Variants in LCLAT1 observed in about 807,000 individuals in gnomAD.
The protein encoded by LCLAT1 is 1-AGP acyltransferase 8.
LCLAT1 carries 11 observed loss-of-function variants against 30.7 expected under a neutral mutation model. The observed-to-expected ratio is 0.36, with a 90% confidence interval of 0.23 to 0.59. The LOEUF (loss-of-function observed/expected upper bound fraction) is 0.59. LCLAT1 is among the 20% of genes least tolerant of loss of function. LCLAT1 has a pLI of 0.77. For missense variants in LCLAT1, 402 were observed against 458.6 expected (o/e 0.88, Z 1.13); for synonymous variants, 155 against 151.3 (o/e 1.02, Z -0.18).
At chr2:30,635,196 A>G (rs1426716593) in intron 5 of LCLAT1, among the ~76,000 whole-genome samples, 1 of 151,932 alleles carries the variant, frequency 6.6e-6, no homozygotes, top group Non-Finnish European at 1.5e-5. Flanking sequence ...GTTCAAGACC[A>G]GTCTGAGTGA....
At chr2:30,579,875 C>T (rs113066816) in intron 5 of LCLAT1, among the ~76,000 whole-genome samples, 3,924 of 152,158 alleles carry the variant, frequency 0.026, 161 homozygotes, top group African/African-American at 0.087. Flanking sequence ...TTATTATCTT[C>T]CTAAGCAGTT....
At chr2:30,608,156 T>C (rs999781880) in intron 5 of LCLAT1, among the ~76,000 whole-genome samples, 5 of 151,622 alleles carry the variant, frequency 3.3e-5, no homozygotes, top group African/African-American at 1.2e-4. Context: ...CCTTGTCTCT[T>C]CTAAAAATAC....
intron 3 of LCLAT1, among the ~76,000 whole-genome samples, chr2:30,541,625 C>G (rs539271478): frequency 6.6e-6 from 1 of 152,152 alleles, no homozygotes; most frequent in Non-Finnish European, 1.5e-5. Context: ...AAGTACCATG[C>G]TGTTTTATTT....
intron 1 of LCLAT1, among the ~76,000 whole-genome samples, chr2:30,499,219 G>A (rs765835494): frequency 3.9e-5 from 6 of 152,050 alleles, no homozygotes; most frequent in African/African-American, 9.7e-5. Context: ...CGCTCTTATC[G>A]CCCAGGCTGG....
chr2:30,526,671 G>A (rs17009627), intron 2 of LCLAT1, among the ~76,000 whole-genome samples: 9,479 of 152,152 alleles, frequency 0.062, 512 homozygotes, highest in East Asian at 0.21. Flanking sequence ...ATCTCTTAAT[G>A]TTCATCCAGC....
chr2:30,568,464 A>G (rs960841667), intron 5 of LCLAT1, among the ~76,000 whole-genome samples: 4 of 148,560 alleles, frequency 2.7e-5, no homozygotes, highest in Admixed American at 1.3e-4. Context: ...CTATAATTCC[A>G]TTTTAGGATA....
intron 1 of LCLAT1, among the ~76,000 whole-genome samples, chr2:30,449,474 A>G (rs1431894220): frequency 6.7e-6 from 1 of 148,454 alleles, no homozygotes. Context: ...TTAAAAAGTT[A>G]TTTTGAAACA....
chr2:30,531,298 T>C (rs933027756), intron 2 of LCLAT1, among the ~76,000 whole-genome samples: 1 of 152,080 alleles, frequency 6.6e-6, no homozygotes, highest in East Asian at 1.9e-4. Flanking sequence ...CATTTTTTGC[T>C]GTGGATCCAC....
At chr2:30,489,876 C>G (rs1417903209) in intron 1 of LCLAT1, among the ~76,000 whole-genome samples, 2 of 152,212 alleles carry the variant, frequency 1.3e-5, no homozygotes, top group Non-Finnish European at 1.5e-5. Context: ...TGGTTACGCT[C>G]TTAAACTTCA....
At chr2:30,461,449 C>T (rs528618540) in intron 1 of LCLAT1, among the ~76,000 whole-genome samples, 74 of 151,958 alleles carry the variant, frequency 4.9e-4, no homozygotes, top group Admixed American at 3.0e-3. Context: ...TTTTTTGAAA[C>T]GGGGTCTCAC....
chr2:30,573,677 G>A (rs910052014), intron 5 of LCLAT1, among the ~76,000 whole-genome samples: 3 of 152,100 alleles, frequency 2.0e-5, no homozygotes, highest in African/African-American at 7.2e-5. Flanking sequence ...TCTTTGGCTT[G>A]GTTGGGTACC....
At chr2:30,590,307 C>G (rs1343075702) in intron 5 of LCLAT1, among the ~76,000 whole-genome samples, 3 of 139,524 alleles carry the variant, frequency 2.2e-5, no homozygotes, top group Non-Finnish European at 3.1e-5. Flanking sequence ...AATACTGTAA[C>G]TAGGGCTTTT....
At chr2:30,609,209 C>G (rs1210339676) in intron 5 of LCLAT1, among the ~76,000 whole-genome samples, 3 of 151,932 alleles carry the variant, frequency 2.0e-5, no homozygotes, top group African/African-American at 7.3e-5. Context: ...CAGGTATGTT[C>G]TATTTTATTA....
intron 1 of LCLAT1, among the ~76,000 whole-genome samples, chr2:30,509,084 T>TATAGGA: frequency 6.6e-6 from 1 of 152,342 alleles, no homozygotes; most frequent in East Asian, 1.9e-4. Flanking sequence ...ATTGTTGGTA[T>TATAGGA]ATAGGAATAT....
chr2:30,462,007 C>T (rs1168324370), intron 1 of LCLAT1, among the ~76,000 whole-genome samples: 3 of 151,844 alleles, frequency 2.0e-5, no homozygotes, highest in Admixed American at 6.6e-5. Flanking sequence ...CTCCTGACCT[C>T]GTGATCCGCC....
At chr2:30,575,426 C>T (rs1381770993) in intron 5 of LCLAT1, among the ~76,000 whole-genome samples, 2 of 152,126 alleles carry the variant, frequency 1.3e-5, no homozygotes, top group African/African-American at 2.4e-5. Context: ...ATTTTAGCAT[C>T]TCTCGCATAC....
intron 5 of LCLAT1, chr2:30,607,299 G>T (rs1667495885): frequency 6.6e-6 from 1 of 152,122 alleles, no homozygotes; most frequent in African/African-American, 2.4e-5. Flanking sequence ...GCTTCCCAAA[G>T]TGCTGGGATT....
intron 4 of LCLAT1, among the ~76,000 whole-genome samples, chr2:30,563,470 G>C (rs1420184983): frequency 6.6e-6 from 1 of 152,186 alleles, no homozygotes. Context: ...GGACTCAAAA[G>C]ACTAAAATGT....
chr2:30,477,074 C>T (rs1474982728), intron 1 of LCLAT1, among the ~76,000 whole-genome samples: 2 of 152,130 alleles, frequency 1.3e-5, no homozygotes, highest in East Asian at 1.9e-4. Context: ...TTTAAAGCAT[C>T]CATTCTTTGA....
Sources: gnomAD v4.1 joint callset for allele counts (sites outside exome capture counted in the v4.1 genomes callset) on GRCh38, gnomAD v4.1.1 for gene constraint, MANE v1.5 for transcripts, NCBI Gene and HGNC (gene_info 2026-07-23, HGNC 2026-07-21) for gene names.